Variants in ELOVL6 observed in about 807,000 individuals in gnomAD.
The protein encoded by ELOVL6 is very long chain fatty acid elongase 6.
A neutral mutation model predicts 31.7 loss-of-function variants in ELOVL6; 8 were observed. The observed-to-expected ratio is 0.25, with a 90% CI of 0.15 to 0.45. ELOVL6 has a LOEUF of 0.45. ELOVL6 is among the 20% of genes least tolerant of loss of function. The pLI is 1.00. For synonymous variants in ELOVL6, 101 were observed against 117.7 expected (o/e 0.86, Z 0.92); for missense variants, 126 against 326.4 (o/e 0.39, Z 4.73).
chr4:110,082,295 A>G (rs1578463179), intron 2 of ELOVL6, among the ~76,000 whole-genome samples: 3 of 151,838 alleles, frequency 2.0e-5, no homozygotes, highest in East Asian at 3.9e-4. Flanking sequence ...ACATGCACAC[A>G]TATGTTTATT....
intron 1 of ELOVL6, among the ~76,000 whole-genome samples, chr4:110,185,581 C>T (rs1215134271): frequency 6.6e-6 from 1 of 152,070 alleles, no homozygotes; most frequent in African/African-American, 2.4e-5. Flanking sequence ...AGGTGGATTA[C>T]CAGTGGACTG....
intron 1 of ELOVL6, among the ~76,000 whole-genome samples, chr4:110,119,720 A>G (rs1372500685): frequency 6.6e-6 from 1 of 152,256 alleles, no homozygotes; most frequent in Non-Finnish European, 1.5e-5. Context: ...AAAGAGAGAA[A>G]GAAAGACCTT....
intron 1 of ELOVL6, among the ~76,000 whole-genome samples, chr4:110,160,379 T>C (rs1758598351): frequency 6.6e-6 from 1 of 152,178 alleles, no homozygotes; most frequent in Non-Finnish European, 1.5e-5. Context: ...CACCCACCCC[T>C]GACTTCCTGT....
At chr4:110,112,258 G>A (rs1231648624) in intron 1 of ELOVL6, among the ~76,000 whole-genome samples, 1 of 152,192 alleles carries the variant, frequency 6.6e-6, no homozygotes, top group Non-Finnish European at 1.5e-5. Flanking sequence ...CTCGATCAAT[G>A]CACTGAAGTG....
chr4:110,099,263 C>G (rs1685414699), intron 2 of ELOVL6, among the ~76,000 whole-genome samples: 1 of 152,094 alleles, frequency 6.6e-6, no homozygotes. Context: ...ACTGTTAAGA[C>G]TTTTCTGAAA....
At chr4:110,141,472 G>A (rs1381659148) in intron 1 of ELOVL6, among the ~76,000 whole-genome samples, 3 of 151,832 alleles carry the variant, frequency 2.0e-5, no homozygotes, top group African/African-American at 7.3e-5. Flanking sequence ...TAGTTCCCTG[G>A]GACCACACAC....
intron 1 of ELOVL6, among the ~76,000 whole-genome samples, chr4:110,113,480 A>G (rs1488119321): frequency 6.6e-6 from 1 of 150,728 alleles, no homozygotes; most frequent in East Asian, 2.0e-4. Flanking sequence ...CTACTTGAGA[A>G]ACTAGGGTGG....
intron 1 of ELOVL6, chr4:110,198,010 A>G (rs773291334): frequency 5.2e-5 from 31 of 598,970 alleles, no homozygotes; most frequent in Non-Finnish European, 7.1e-5. Context: ...TATATAATCT[A>G]TATAAAAGAT....
At position 110,046,598 on chromosome 4, in the gene ELOVL6, G is replaced by A. The variant is rs1754703268; in HGVS notation, c.*4740C>T. 6.6e-6 allele frequency: 1 copy of A among 152,272 alleles called. No homozygotes were observed. Among genetic ancestry groups the A allele is most frequent in the Non-Finnish European group, 1.5e-5 (1 of 68,074 alleles). 9.4% of individuals were successfully genotyped at this position (152,272 alleles called of 1,614,324 possible). A position where few individuals can be genotyped will look rare whatever the true frequency, so the allele number is the denominator to read the frequency against. On this transcript the variant is annotated 3_prime_UTR_variant, in exon 4 of 4. Transcript: ENST00000302274. ...TCTCTGAGGATGAGGAAAGTAACTTGATTCAACAGGTTTGTGTATGTTCTT... is the reference window on the plus strand; with the variant it reads ...TCTCTGAGGATGAGGAAAGTAACTTAATTCAACAGGTTTGTGTATGTTCTT...
chr4:110,076,732 G>C (rs1186591370), intron 2 of ELOVL6, among the ~76,000 whole-genome samples: 1 of 152,188 alleles, frequency 6.6e-6, no homozygotes, highest in African/African-American at 2.4e-5. Context: ...GTGTTGGAAA[G>C]TGGGTGCAAG....
At chr4:110,112,435 G>C (rs1279918408) in intron 1 of ELOVL6, among the ~76,000 whole-genome samples, 1 of 152,184 alleles carries the variant, frequency 6.6e-6, no homozygotes, top group Non-Finnish European at 1.5e-5. Context: ...CAATCCTAAA[G>C]CGTTGCATCT....
intron 2 of ELOVL6, among the ~76,000 whole-genome samples, chr4:110,090,398 A>C (rs776275860): frequency 6.6e-5 from 10 of 152,146 alleles, no homozygotes; most frequent in Non-Finnish European, 1.3e-4. Flanking sequence ...TATTTTTGTC[A>C]ACCATAACCC....
intron 1 of ELOVL6, among the ~76,000 whole-genome samples, chr4:110,190,617 G>A (rs1759585536): frequency 6.6e-6 from 1 of 152,036 alleles, no homozygotes; most frequent in Non-Finnish European, 1.5e-5. Context: ...CGATTCTCCT[G>A]CCTCAGCCCC....
chr4:110,061,264 C>G (rs570336764), intron 2 of ELOVL6, among the ~76,000 whole-genome samples: 5 of 152,288 alleles, frequency 3.3e-5, no homozygotes, highest in African/African-American at 1.2e-4. Flanking sequence ...TCCTGCCATT[C>G]TCTTCTTGTT....
intron 1 of ELOVL6, among the ~76,000 whole-genome samples, chr4:110,163,535 C>T (rs1263316675): frequency 6.6e-6 from 1 of 152,152 alleles, no homozygotes; most frequent in Admixed American, 6.5e-5. Context: ...TGAAATTTAA[C>T]AGTTATGGAC....
At chr4:110,149,441 C>T (rs1758222147) in intron 1 of ELOVL6, among the ~76,000 whole-genome samples, 1 of 152,178 alleles carries the variant, frequency 6.6e-6, no homozygotes, top group African/African-American at 2.4e-5. Flanking sequence ...ATGAATACTA[C>T]TCAGTCATAA....
chr4:110,140,957 G>A (rs115922471), intron 1 of ELOVL6, among the ~76,000 whole-genome samples: 5,500 of 152,140 alleles, frequency 0.036, 267 homozygotes, highest in East Asian at 0.25. Flanking sequence ...CGTGGCTGGG[G>A]AGGCCTCACA....
At chr4:110,081,705 A>G (rs1003922471) in intron 2 of ELOVL6, among the ~76,000 whole-genome samples, 2 of 151,308 alleles carry the variant, frequency 1.3e-5, no homozygotes, top group Non-Finnish European at 3.0e-5. Context: ...TGTCTGAAAC[A>G]CTAAAAGCAA....
At chr4:110,169,238 G>GTT (rs140593620) in intron 1 of ELOVL6, among the ~76,000 whole-genome samples, 27,881 of 136,246 alleles carry the variant, frequency 0.2, 3,783 homozygotes, top group East Asian at 0.28. Context: ...GGGGTTTTTT[G>GTT]TTTTGTTTTT....
Sources: allele counts gnomAD v4.1 joint callset (sites outside exome capture counted in the v4.1 genomes callset), GRCh38; gene constraint gnomAD v4.1.1; transcripts MANE v1.5; gene names NCBI Gene and HGNC (gene_info 2026-07-23, HGNC 2026-07-21).